DNAJC17: variants seen among roughly 807,000 people sequenced by gnomAD.
The protein encoded by DNAJC17 is DnaJ heat shock protein family (Hsp40) member C17, also known as dnaJ homolog subfamily C member 17.
In DNAJC17, 35 loss-of-function variants were observed where a neutral mutation model predicts 48.1. That is an observed-to-expected ratio of 0.73 (90% CI 0.56 to 0.96). DNAJC17 has a LOEUF of 0.96. Ranked by LOEUF, DNAJC17 falls within the 50% of genes least tolerant of loss-of-function variation. The pLI is 0.00. For synonymous variants in DNAJC17, 117 were observed against 142.7 expected, an observed-to-expected ratio of 0.82 and a Z score of 1.28; for missense variants, 355 against 377.1, an observed-to-expected ratio of 0.94 and a Z score of 0.48.
In DNAJC17 at chr15:40,786,872, G is replaced by T. The variant is rs567294295; in HGVS notation, c.79-6875C>A. Among the ~76,000 whole-genome samples, 93 of 152,302 alleles carry T rather than the reference G, an allele frequency of 6.1e-4. 1 individual carries two copies. In the South Asian group the frequency reaches 0.019, roughly 31 times the overall value. On this transcript the variant is annotated intron_variant, in intron 1 of 10. Transcript: ENST00000220496. ...CTGATGGCTTTCTAAAAACCTCACT[G>T]TCTACCACCCTTTTTCCATCCTAGA... is the stretch of plus-strand genomic sequence containing the variant.
intron 10 of DNAJC17, chr15:40,771,115 T>C (rs1013284819): frequency 3.2e-6 from 4 of 1,236,664 alleles, no homozygotes; most frequent in African/African-American, 1.5e-5. Context: ...GGCCCATCGC[T>C]GGAGGGTTCA....
At chr15:40,785,937 C>T (rs2141955512) in intron 1 of DNAJC17, among the ~76,000 whole-genome samples, 1 of 152,312 alleles carries the variant, frequency 6.6e-6, no homozygotes, top group Non-Finnish European at 1.5e-5. Flanking sequence ...ACTGTTAAAC[C>T]TGCCCTGGGC....
At chr15:40,775,997 A>G (rs1218580498) in intron 6 of DNAJC17, among the ~76,000 whole-genome samples, 199 bp downstream of exon 6, 2 of 152,174 alleles carry the variant, frequency 1.3e-5, no homozygotes, top group African/African-American at 4.8e-5. Context: ...TCTCAGGCAG[A>G]GTAAAAAGCA....
intron 9 of DNAJC17, 44 bp downstream of exon 9, chr15:40,774,312 A>G: frequency 6.2e-7 from 1 of 1,608,482 alleles, no homozygotes; most frequent in East Asian, 2.2e-5. Flanking sequence ...CTGCCCTAGA[A>G]TGACAGGGCC....
rs762395033 is a variant in DNAJC17 at position 40,767,951 on chromosome 15, G to A, written c.904C>T (p.Pro302Ser). 14 of 1,612,832 alleles carry A rather than the reference G, an allele frequency of 8.7e-6. No individual in the cohort carries two copies. The highest frequency in any genetic ancestry group is 1.2e-5 in the Non-Finnish European group (14 of 1,179,676). Residue 302 changes from proline (P) to serine (S), a missense_variant, in exon 11 of 11, where the codon CCG (proline) becomes TCG (serine). Around this residue, in one of 3 missense-constraint regions of DNAJC17, gnomAD observed 88 missense variants for 67.7 expected, o/e 1.30. Coordinates refer to ENST00000220496, the MANE Select transcript of DNAJC17 (RefSeq NM_018163.3). ...GGCTGGAGCTGGGGCTACGTAGGCG[G>A]CCCCTCCTGGTCTTCCTGCTGCATC... ...ARMQQEDQEG[P>S]PT
Position 40,768,020 on chromosome 15 carries a change from T to A in DNAJC17, c.835A>T (p.Met279Leu). ...CGCTCGGCCGCCTGGCGCATGCGCA[T>A]CATGACGAGGCTCTCGTAGTCCCTC... ...SERDYESLVM[M>L]RMRQAAERQQ... Residue 279 changes from methionine (M) to leucine (L), a missense_variant, in exon 11 of 11, where the codon ATG becomes TTG. Coordinates refer to ENST00000220496, the MANE Select transcript of DNAJC17 (RefSeq NM_018163.3). 1 of 1,599,956 alleles carries A rather than the reference T, an allele frequency of 6.3e-7. No individual in the cohort carries two copies.
chr15:40,777,281 CTTTTTTTTT>C lies in DNAJC17; in HGVS notation c.296-663_296-655del, dbSNP rs1162001252. ...TTAGACTCTCCTTTTCTCTCTCTCT[CTTTTTTTTT>C]TTTTTTTTTTGAGATGGGGTCTCCT... On this transcript the variant is annotated intron_variant, in intron 4 of 10. Transcript: ENST00000220496. Among the ~76,000 whole-genome samples, 6 of 131,560 alleles carry C rather than the reference CTTTTTTTTT, an allele frequency of 4.6e-5. No individual in the cohort carries two copies. The East Asian group carries it at 8.7e-4, about 19-fold the overall frequency. 86.3% of individuals were successfully genotyped at this position (131,560 alleles called of 152,430 possible). A position where few individuals can be genotyped will look rare whatever the true frequency, so the allele number is the denominator to read the frequency against.
chr15:40,779,520 T>G, intron 3 of DNAJC17, 25 bp downstream of exon 3: 1 of 1,613,950 alleles, frequency 6.2e-7, no homozygotes, highest in Non-Finnish European at 8.5e-7. Context: ...TGGGGGACGA[T>G]TCCGATGAAG....
In DNAJC17 at chr15:40,769,297, A is replaced by C. The variant is rs1488631557; in HGVS notation, c.793-1235T>G. 6.6e-6 allele frequency among the ~76,000 whole-genome samples: 1 copy of C among 152,160 alleles called. No individual in the cohort carries two copies. Among genetic ancestry groups the C allele is most frequent in the East Asian group, 1.9e-4 (1 of 5,182 alleles). On this transcript the variant is annotated intron_variant, in intron 10 of 10. Transcript: ENST00000220496. This position sits in a 1 kb window ranked among gnomAD's most constrained non-coding sequence, Gnocchi z 4.2. ...GAGGAAGCCCGGTAGCCAGAGGGGA[A>C]GGGCTGGAGCACAGCCAGGTAGGAG...
Position 40,775,116 on chromosome 15 carries a change from G to A in DNAJC17, c.523-8C>T. 6.2e-7 allele frequency: 1 copy of A among 1,614,108 alleles called. No homozygotes were observed. The highest frequency in any genetic ancestry group is 8.5e-7 in the Non-Finnish European group (1 of 1,180,012). ...CTTGCACTTCCATTTTAGCTGAAAA[G>A]AGAGCCTCATGAAACACTGATTCTT... On this transcript the variant is annotated splice_polypyrimidine_tract_variant and splice_region_variant and intron_variant, in intron 7 of 10. Coordinates refer to ENST00000220496, the MANE Select transcript of DNAJC17 (RefSeq NM_018163.3).
intron 1 of DNAJC17, among the ~76,000 whole-genome samples, chr15:40,784,080 A>G (rs1356021965): frequency 6.6e-6 from 1 of 151,318 alleles, no homozygotes; most frequent in Non-Finnish European, 1.5e-5. Context: ...TACAAAAATT[A>G]GCTGGGCGTG....
rs1888985586 is a variant in DNAJC17 at position 40,767,770 on chromosome 15, T to C, written c.*170A>G. 3 of 953,746 alleles carry C rather than the reference T, an allele frequency of 3.1e-6. No homozygotes were observed. The highest frequency in any genetic ancestry group is 3.0e-5 in the Admixed American group (1 of 33,202). 59.1% of individuals were successfully genotyped at this position (953,746 alleles called of 1,614,324 possible). On this transcript the variant is annotated 3_prime_UTR_variant, in exon 11 of 11. Coordinates refer to ENST00000220496, the MANE Select transcript of DNAJC17 (RefSeq NM_018163.3). Reference sequence around the variant, plus strand: ...ACTCTCACCCTGCGGAGCGTTTCCCTGGGGGTCTGCCCACTTCCTGGGAGG... The same window carrying C: ...ACTCTCACCCTGCGGAGCGTTTCCCCGGGGGTCTGCCCACTTCCTGGGAGG...
intron 1 of DNAJC17, among the ~76,000 whole-genome samples, chr15:40,795,100 C>A (rs1179260843): frequency 6.6e-6 from 1 of 152,030 alleles, no homozygotes; most frequent in Admixed American, 6.6e-5. Context: ...TCTAGGAAAT[C>A]ATCAGCTGAT....
At chr15:40,778,085 A>G (rs1425939623) in intron 4 of DNAJC17, among the ~76,000 whole-genome samples, 7 of 151,960 alleles carry the variant, frequency 4.6e-5, no homozygotes, top group Non-Finnish European at 1.0e-4. Flanking sequence ...CCAGCTACTC[A>G]GGAGGCCAAG....
At chr15:40,771,482 G>C (rs1053960349) in intron 10 of DNAJC17, 2 of 191,082 alleles carry the variant, frequency 1.0e-5, no homozygotes, top group African/African-American at 4.8e-5. Context: ...AACAGAGAGA[G>C]GTCACAGGAC....
chr15:40,791,046 A>C (rs1201227861), intron 1 of DNAJC17, among the ~76,000 whole-genome samples: 1 of 151,662 alleles, frequency 6.6e-6, no homozygotes, highest in Non-Finnish European at 1.5e-5. Flanking sequence ...AAAATAAATA[A>C]AAAAAAATAG....
intron 1 of DNAJC17, among the ~76,000 whole-genome samples, chr15:40,805,826 G>A (rs1424310485): frequency 5.9e-5 from 9 of 151,822 alleles, no homozygotes; most frequent in Admixed American, 5.9e-4. Flanking sequence ...GCGAGACTCC[G>A]TCTCAAAAAC....
chr15:40,780,476 G>A (rs986531221), intron 1 of DNAJC17: 15 of 378,352 alleles, frequency 4.0e-5, no homozygotes, highest in African/African-American at 3.2e-4. Context: ...CAACACTGTT[G>A]ATACTAGCCA....
chr15:40,800,933 G>A (rs1890059649), intron 1 of DNAJC17, among the ~76,000 whole-genome samples: 1 of 150,604 alleles, frequency 6.6e-6, no homozygotes. Flanking sequence ...GCTCCAGCCT[G>A]GGCGACAGCG....
Sources: allele counts gnomAD v4.1 joint callset (sites outside exome capture counted in the v4.1 genomes callset), GRCh38; gene constraint gnomAD v4.1.1; regional missense constraint gnomAD v4.1.1; non-coding constraint Gnocchi (gnomAD v3.1); transcripts MANE v1.5; gene names NCBI Gene and HGNC (gene_info 2026-07-23, HGNC 2026-07-21).